Variants in PDE4D observed in about 807,000 individuals in gnomAD.
The protein encoded by PDE4D is 3',5'-cyclic-AMP phosphodiesterase 4D.
In PDE4D, 24 loss-of-function variants were observed where a neutral mutation model predicts 87.4. The ratio of observed to expected loss-of-function variants is 0.27; its 90% CI spans 0.20 to 0.39. The LOEUF is 0.39. Among genes scored for constraint, PDE4D ranks in the 10% least tolerant of loss-of-function variants. The pLI, the probability that PDE4D is intolerant of heterozygous loss-of-function variation, is 1.00. For missense variants in PDE4D, 714 were observed against 1,041.0 expected (o/e 0.69, Z 4.32); for synonymous variants, 384 against 383.2 (o/e 1.00, Z -0.02).
chr5:60,471,575 G>C (rs2150193451), intron 1 of PDE4D, among the ~76,000 whole-genome samples: 1 of 151,662 alleles, frequency 6.6e-6, no homozygotes, highest in East Asian at 2.0e-4. Context: ...TCATGCAATT[G>C]TCACAACCAC....
intron 1 of PDE4D, among the ~76,000 whole-genome samples, chr5:60,387,533 G>T (rs1428704970): frequency 6.6e-6 from 1 of 152,208 alleles, no homozygotes; most frequent in Non-Finnish European, 1.5e-5. Flanking sequence ...AATGTAACAT[G>T]GGTGACAGGG....
At chr5:59,194,188 A>G (rs772728672) in intron 2 of PDE4D, among the ~76,000 whole-genome samples, 1 of 152,214 alleles carries the variant, frequency 6.6e-6, no homozygotes, top group Non-Finnish European at 1.5e-5. Context: ...TTGGAGGGAC[A>G]GGGAAGGGCA....
chr5:59,949,512 C>G (rs1025843653), intron 3 of PDE4D, among the ~76,000 whole-genome samples: 13 of 151,238 alleles, frequency 8.6e-5, no homozygotes, highest in African/African-American at 3.2e-4. Context: ...AAGAATCTAC[C>G]AAACTATCTG....
At chr5:59,283,428 T>C (rs78160263) in intron 1 of PDE4D, among the ~76,000 whole-genome samples, 5,166 of 152,214 alleles carry the variant, frequency 0.034, 302 homozygotes, top group African/African-American at 0.12. Flanking sequence ...GATACAAACC[T>C]TAAAATGTCA....
intron 1 of PDE4D, among the ~76,000 whole-genome samples, chr5:59,646,410 G>A (rs1742456009): frequency 6.6e-6 from 1 of 151,890 alleles, no homozygotes; most frequent in South Asian, 2.1e-4. Flanking sequence ...TGATTCTGTT[G>A]GATACTCAGA....
chr5:59,247,032 T>A (rs1758982515), intron 1 of PDE4D, among the ~76,000 whole-genome samples: 1 of 152,208 alleles, frequency 6.6e-6, no homozygotes, highest in South Asian at 2.1e-4. Flanking sequence ...GTAAACTACC[T>A]ACACCCACAC....
chr5:60,105,795 T>C (rs1468622830), intron 2 of PDE4D, among the ~76,000 whole-genome samples: 2 of 152,106 alleles, frequency 1.3e-5, no homozygotes, highest in African/African-American at 4.8e-5. Flanking sequence ...TAAAATCCTT[T>C]ACAGACAAGC....
At chr5:59,549,657 T>C (rs889092141) in intron 1 of PDE4D, among the ~76,000 whole-genome samples, 2 of 152,076 alleles carry the variant, frequency 1.3e-5, no homozygotes, top group Admixed American at 1.3e-4. Context: ...TATAGGGGAA[T>C]ATACATTTCA....
chr5:59,259,263 A>G (rs982717521), intron 1 of PDE4D, among the ~76,000 whole-genome samples: 4 of 151,858 alleles, frequency 2.6e-5, no homozygotes, highest in Non-Finnish European at 5.9e-5. Flanking sequence ...CAGAAACCCT[A>G]TGGGTAGCTT....
At chr5:60,012,082 C>A (rs1326223948) in intron 2 of PDE4D, among the ~76,000 whole-genome samples, 1 of 151,788 alleles carries the variant, frequency 6.6e-6, no homozygotes, top group Non-Finnish European at 1.5e-5. Context: ...TGACTCACTG[C>A]CAAGAATCTC....
chr5:60,513,007 A>T (rs77211193), intron 1 of PDE4D, among the ~76,000 whole-genome samples: 16,742 of 152,172 alleles, frequency 0.11, 976 homozygotes, highest in Middle Eastern at 0.15. Context: ...ATAATAATAA[A>T]TTTTCTAAAC....
At chr5:59,316,004 T>C (rs1773645391) in intron 1 of PDE4D, among the ~76,000 whole-genome samples, 1 of 152,128 alleles carries the variant, frequency 6.6e-6, no homozygotes, top group East Asian at 1.9e-4. Context: ...CCCTTCCAAA[T>C]GTACTTTGCT....
intron 1 of PDE4D, among the ~76,000 whole-genome samples, chr5:59,588,980 T>G (rs1296388374): frequency 6.6e-6 from 1 of 152,214 alleles, no homozygotes; most frequent in East Asian, 1.9e-4. Context: ...TTAAATATTA[T>G]TATTTAAGAG....
chr5:59,299,533 T>C (rs866503854), intron 1 of PDE4D, among the ~76,000 whole-genome samples: 14 of 152,320 alleles, frequency 9.2e-5, no homozygotes, highest in Middle Eastern at 6.8e-3. Flanking sequence ...AACCAATACA[T>C]GTCTCTTCCA....
At chr5:59,479,948 T>A (rs1264723487) in intron 1 of PDE4D, among the ~76,000 whole-genome samples, 2 of 152,002 alleles carry the variant, frequency 1.3e-5, no homozygotes, top group Non-Finnish European at 2.9e-5. Context: ...GTGGGGAGAG[T>A]ATGCACATTA....
At chr5:59,854,706 A>G (rs1055527449) in intron 1 of PDE4D, among the ~76,000 whole-genome samples, 1 of 152,128 alleles carries the variant, frequency 6.6e-6, no homozygotes, top group African/African-American at 2.4e-5. Flanking sequence ...ATTATTTAAA[A>G]GCAAAGGTAT....
chr5:60,296,363 CTTTA>C (rs1381359189), intron 1 of PDE4D, among the ~76,000 whole-genome samples: 2 of 152,110 alleles, frequency 1.3e-5, no homozygotes, highest in Admixed American at 6.5e-5. Context: ...TCTTCATCTC[CTTTA>C]TTTGTTTTTT....
At chr5:59,694,892 T>C (rs1183062046) in intron 1 of PDE4D, among the ~76,000 whole-genome samples, 1 of 152,182 alleles carries the variant, frequency 6.6e-6, no homozygotes, top group Non-Finnish European at 1.5e-5. Context: ...ACATTACTAT[T>C]AATAACTTTT....
intron 1 of PDE4D, among the ~76,000 whole-genome samples, chr5:60,482,816 G>T (rs191960801): frequency 1.0e-3 from 158 of 152,222 alleles, no homozygotes; most frequent in African/African-American, 3.6e-3. Context: ...GTTGATTTTA[G>T]ATTTTATAAC....
Sources: gnomAD v4.1 joint callset for allele counts (sites outside exome capture counted in the v4.1 genomes callset) on GRCh38, gnomAD v4.1.1 for gene constraint, MANE v1.5 for transcripts, NCBI Gene and HGNC (gene_info 2026-07-23, HGNC 2026-07-21) for gene names.